Variants in TRIM44 observed in about 807,000 individuals in gnomAD.
The protein encoded by TRIM44 is tripartite motif containing 44.
Under a neutral mutation model 37.4 loss-of-function variants are expected in TRIM44, and 13 were observed. The observed-to-expected ratio is 0.35, with a 90% CI of 0.23 to 0.55. The LOEUF (loss-of-function observed/expected upper bound fraction) is 0.55, where lower values mean the gene tolerates loss of function less well. TRIM44 is among the 20% of genes least tolerant of loss of function. The pLI is 0.89. For synonymous variants in TRIM44, 175 were observed against 157.2 expected (o/e 1.11, Z -0.85); for missense variants, 426 against 437.2 (o/e 0.97, Z 0.23).
In TRIM44 at chr11:35,788,334, A is replaced by T. The variant is rs564118851; in HGVS notation, c.1008-18024A>T. Among the ~76,000 whole-genome samples the T allele has an allele frequency of 4.6e-5, 7 of 152,210 alleles. No individual in the cohort carries two copies. In the East Asian group the frequency reaches 1.3e-3, roughly 29 times the overall value. On this transcript the variant is annotated intron_variant, in intron 4 of 4. Coordinates refer to ENST00000299413, the MANE Select transcript of TRIM44 (RefSeq NM_017583.6). ...ATTTAAACCATGATTGTGAAGGAGG[A>T]GTTTAGAACTGGAGCTGCCACAGAG...
In TRIM44 at chr11:35,815,882, T is replaced by C. The variant is rs1023567714; in HGVS notation, c.*9497T>C. 1 of 152,228 alleles carries C rather than the reference T, an allele frequency of 6.6e-6. No homozygotes were observed. Among genetic ancestry groups the C allele is most frequent in the Non-Finnish European group, 1.5e-5 (1 of 68,038 alleles). The allele number at this position is 152,228 out of a possible 1,614,324, so 9.4% of individuals were successfully genotyped here. A position where few individuals can be genotyped will look rare whatever the true frequency, so the allele number is the denominator to read the frequency against. On this transcript the variant is annotated 3_prime_UTR_variant, in exon 5 of 5. Transcript: ENST00000299413. Reference sequence around the variant, plus strand: ...CTGAATAGCCAAGTCATGGGCTTGTTTGCTTTCAGTCACTGCCTTCAGAAA... The same window carrying C: ...CTGAATAGCCAAGTCATGGGCTTGTCTGCTTTCAGTCACTGCCTTCAGAAA...
chr11:35,748,969 A>G (rs568207223), intron 4 of TRIM44, among the ~76,000 whole-genome samples: 41 of 152,256 alleles, frequency 2.7e-4, no homozygotes, highest in South Asian at 1.9e-3. Context: ...TGATGTATGT[A>G]TTTTTCATGG....
chr11:35,765,462 TGAAAA>T (rs772291663), intron 4 of TRIM44, among the ~76,000 whole-genome samples: 136 of 152,282 alleles, frequency 8.9e-4, no homozygotes, highest in Non-Finnish European at 1.4e-3. Flanking sequence ...ACCAGTGACT[TGAAAA>T]GAACTGTACA....
chr11:35,792,013 A>T (rs1290123120), intron 4 of TRIM44, among the ~76,000 whole-genome samples: 1 of 151,412 alleles, frequency 6.6e-6, no homozygotes, highest in Non-Finnish European at 1.5e-5. Flanking sequence ...CTCATTTAAT[A>T]TTTGCATCAA....
rs762881300 is a variant in TRIM44, at chr11:35,663,317, C to A, written c.206C>A (p.Pro69Gln). 1.9e-5 allele frequency: 30 copies of A among 1,613,820 alleles called. No homozygotes were observed. Among genetic ancestry groups the A allele is most frequent in the African/African-American group, 8.0e-5 (6 of 74,870 alleles). Residue 69 changes from proline to glutamine, a missense_variant, in exon 1 of 5, where the codon CCG becomes CAG. By Grantham distance (76) the Pro-to-Gln change is moderately conservative. Around this residue, in one of 2 missense-constraint regions of TRIM44, gnomAD observed 331 missense variants for 303.0 expected, o/e 1.09. Coordinates refer to ENST00000299413, the MANE Select transcript of TRIM44 (RefSeq NM_017583.6). ...GTCCACGGCTCCCAGGCCTGGACCC[C>A]GCCAGCTGACGGAGAGGGGGCGGGG... ...EYVHGSQAWT[P>Q]PADGEGAGKE...
intron 1 of TRIM44, among the ~76,000 whole-genome samples, chr11:35,667,022 G>A (rs1031344784): frequency 3.9e-5 from 6 of 152,230 alleles, no homozygotes; most frequent in South Asian, 4.1e-4. Flanking sequence ...TATGTTGAAT[G>A]GATGTGGTTG....
Position 35,806,571 on chromosome 11 carries a change from T to G in TRIM44, c.*186T>G. On this transcript the variant is annotated 3_prime_UTR_variant, in exon 5 of 5. Transcript: ENST00000299413. ...GACCAGTTTTATGCTTACTGTGTGC[T>G]TCTCATCCCCTGGTTGTGGTAGGTC... 1 of 615,790 alleles carries G rather than the reference T, an allele frequency of 1.6e-6. No individual in the cohort carries two copies. The highest frequency in any genetic ancestry group is 2.9e-6 in the Non-Finnish European group (1 of 347,990). The allele number at this position is 615,790 out of a possible 1,614,324, so 38.1% of individuals were successfully genotyped here.
At chr11:35,681,655 T>C (rs931433158) in intron 1 of TRIM44, among the ~76,000 whole-genome samples, 4 of 152,182 alleles carry the variant, frequency 2.6e-5, no homozygotes, top group African/African-American at 4.8e-5. Context: ...TGGAACCAAA[T>C]GTCTACAAGG....
At chr11:35,789,745 CT>C (rs1853179413) in intron 4 of TRIM44, among the ~76,000 whole-genome samples, 2 of 152,198 alleles carry the variant, frequency 1.3e-5, no homozygotes, top group Non-Finnish European at 2.9e-5. Context: ...GCATATTCCC[CT>C]GGTGCTCCTT....
At chr11:35,722,322 T>G (rs2135513925) in intron 2 of TRIM44, among the ~76,000 whole-genome samples, 1 of 152,310 alleles carries the variant, frequency 6.6e-6, no homozygotes, top group East Asian at 1.9e-4. Flanking sequence ...GTAGGACTGT[T>G]ACCAAATAGG....
intron 2 of TRIM44, among the ~76,000 whole-genome samples, chr11:35,694,034 C>T (rs1314679667): frequency 6.6e-6 from 1 of 152,180 alleles, no homozygotes; most frequent in African/African-American, 2.4e-5. Flanking sequence ...CTTAACTAAG[C>T]AGTCTCTTCA....
chr11:35,684,480 C>G lies in TRIM44; in HGVS notation c.670-779C>G, dbSNP rs542622517. Among the ~76,000 whole-genome samples the G allele has an allele frequency of 1.0e-3, 154 of 152,306 alleles. 1 individual carries two copies. Among genetic ancestry groups the G allele is most frequent in the African/African-American group, 3.6e-3 (148 of 41,564 alleles). On this transcript the variant is annotated intron_variant, in intron 1 of 4. Transcript: ENST00000299413. ...TAATAGCATATGAAATTTTTGAGCACTCACTGTGTGCCACATACTGTGCTA... is the reference window on the plus strand; with the variant it reads ...TAATAGCATATGAAATTTTTGAGCAGTCACTGTGTGCCACATACTGTGCTA...
intron 4 of TRIM44, among the ~76,000 whole-genome samples, chr11:35,740,013 C>T (rs912295689): frequency 5.4e-5 from 8 of 147,968 alleles, no homozygotes; most frequent in Non-Finnish European, 8.9e-5. Flanking sequence ...GCAGGAGACT[C>T]ACTTGAGCCA....
chr11:35,796,280 TG>T (rs1193519104), intron 4 of TRIM44, among the ~76,000 whole-genome samples: 1 of 152,236 alleles, frequency 6.6e-6, no homozygotes, highest in Non-Finnish European at 1.5e-5. Flanking sequence ...CACACACACT[TG>T]TGCATGCACA....
intron 4 of TRIM44, among the ~76,000 whole-genome samples, chr11:35,746,472 G>A (rs576192424): frequency 1.2e-3 from 29 of 25,000 alleles, no homozygotes; most frequent in African/African-American, 4.8e-3. Context: ...TTTTTTTGTA[G>A]CTCTATGTCA....
At chr11:35,790,597 G>A (rs997100586) in intron 4 of TRIM44, among the ~76,000 whole-genome samples, 33 of 152,132 alleles carry the variant, frequency 2.2e-4, no homozygotes, top group African/African-American at 8.0e-4. Context: ...CCAGACTAGT[G>A]CTGTCTCTCA....
chr11:35,763,039 C>T (rs546218977), intron 4 of TRIM44, among the ~76,000 whole-genome samples: 13 of 152,204 alleles, frequency 8.5e-5, no homozygotes, highest in East Asian at 5.8e-4. Flanking sequence ...GTGGCAATAA[C>T]GACAAATGTT....
chr11:35,735,596 A>C (rs949215482), intron 4 of TRIM44, 151 bp downstream of exon 4: 8 of 765,678 alleles, frequency 1.0e-5, no homozygotes, highest in African/African-American at 3.5e-5. Context: ...TTATTTTGTA[A>C]GACTCCCGTC....
rs957372433 is a variant in TRIM44, at chr11:35,706,457, C to CA, written c.748-19459dup. Among the ~76,000 whole-genome samples the CA allele has an allele frequency of 4.7e-4, 72 of 151,640 alleles. No homozygotes were observed. The South Asian group carries it at 8.1e-3, about 17-fold the overall frequency. On this transcript the variant is annotated intron_variant, in intron 2 of 4. Transcript: ENST00000299413. ...TACCAAAACCGGGCAGAGATACAAC[C>CA]AAAAAAAAGAATTTTAGACCAATAT...
Sources: allele counts gnomAD v4.1 joint callset (sites outside exome capture counted in the v4.1 genomes callset), GRCh38; gene constraint gnomAD v4.1.1; regional missense constraint gnomAD v4.1.1; transcripts MANE v1.5; gene names NCBI Gene and HGNC (gene_info 2026-07-23, HGNC 2026-07-21).